The following CSMD1 variants were observed in gnomAD, a reference collection of about 807,000 sequenced individuals.
The protein encoded by CSMD1 is CUB and Sushi multiple domains 1, also known as CUB and sushi domain-containing protein 1.
In CSMD1, 213 loss-of-function variants were observed where a neutral mutation model predicts 417.5. The observed-to-expected ratio is 0.51, with a 90% CI of 0.46 to 0.57. The LOEUF is 0.57. CSMD1 is among the 20% of genes least tolerant of loss of function. CSMD1 has a pLI of 0.00. For synonymous variants in CSMD1, 2,862 were observed against 1,736.8 expected, an observed-to-expected ratio of 1.65 and a Z score of -16.11; for missense variants, 6,923 against 4,529.7, an observed-to-expected ratio of 1.53 and a Z score of -15.17.
chr8:4,079,240 G>T (rs1383230793), intron 3 of CSMD1, among the ~76,000 whole-genome samples: 1 of 152,132 alleles, frequency 6.6e-6, no homozygotes, highest in Admixed American at 6.6e-5. Context: ...TGAATGAGTA[G>T]ATATAGCCCA....
At position 4,046,526 on chromosome 8, in the gene CSMD1, G is replaced by A. The variant is rs147412284; in HGVS notation, c.416-14427C>T. Reference sequence around the variant, plus strand: ...TTTTGTGGTTGCTGTTGCCTTACACGTCATGTATTCAACTCTGTACATAGT... The same window carrying A: ...TTTTGTGGTTGCTGTTGCCTTACACATCATGTATTCAACTCTGTACATAGT... On this transcript the variant is annotated intron_variant, in intron 3 of 69. Transcript: ENST00000635120. Among the ~76,000 whole-genome samples, 11 of 152,200 alleles carry A rather than the reference G, an allele frequency of 7.2e-5. No homozygotes were observed. The East Asian group carries it at 1.4e-3, about 19-fold the overall frequency.
At chr8:3,753,802 A>G (rs1012431456) in intron 6 of CSMD1, 128 bp downstream of exon 6, 19 of 591,888 alleles carry the variant, frequency 3.2e-5, no homozygotes, top group Non-Finnish European at 4.1e-5. Context: ...TCCAAAGATA[A>G]CTGTGAATAA....
intron 3 of CSMD1, among the ~76,000 whole-genome samples, chr8:4,376,328 G>C (rs187924362): frequency 1.2e-4 from 19 of 152,282 alleles, no homozygotes; most frequent in African/African-American, 4.6e-4. Context: ...TTCAAGAAGA[G>C]AATAAAAGTT....
intron 10 of CSMD1, among the ~76,000 whole-genome samples, chr8:3,551,753 G>A (rs1182679379): frequency 1.3e-5 from 2 of 152,154 alleles, no homozygotes; most frequent in Non-Finnish European, 2.9e-5. Flanking sequence ...ACTAAAGTCC[G>A]TGACAAGCTG....
rs113982607 is a variant in CSMD1, at chr8:4,317,705, A to G, written c.415+102248T>C. Among the ~76,000 whole-genome samples the G allele has an allele frequency of 1.7e-3, 261 of 152,310 alleles. 2 individuals are homozygous for G. Among genetic ancestry groups the G allele is most frequent in the African/African-American group, 5.7e-3 (235 of 41,560 alleles). ...TATAGACTTAGAAGTGAGGTAACAT[A>G]AAAGAGAAGCGATAGCTCAGCTGAG... On this transcript the variant is annotated intron_variant, in intron 3 of 69. Transcript: ENST00000635120.
intron 3 of CSMD1, among the ~76,000 whole-genome samples, chr8:4,060,604 T>C (rs1312850165): frequency 6.6e-6 from 1 of 152,130 alleles, no homozygotes; most frequent in Non-Finnish European, 1.5e-5. Context: ...TTCGGAACTG[T>C]CCCAGCCACC....
In CSMD1 at chr8:3,431,164, T is replaced by A. The variant is rs1370865615; in HGVS notation, c.1562-21559A>T. ...ACAGAGCTAGCAACTCTATGGACTC[T>A]CTATGGAAGAGGGATGATGGAGATT... On this transcript the variant is annotated intron_variant, in intron 12 of 69. Coordinates refer to ENST00000635120, the MANE Select transcript of CSMD1 (RefSeq NM_033225.6). Among the ~76,000 whole-genome samples the A allele has an allele frequency of 2.6e-5, 4 of 152,158 alleles. No homozygotes were observed. The East Asian group carries it at 7.7e-4, about 29-fold the overall frequency.
rs1554471488 is a variant in CSMD1, at chr8:3,564,535, G to GTGTGTGTC, written c.1344+10409_1344+10410insGACACACA. ...AGTATATTTGTGTGTGTGTGTGTGT[G>GTGTGTGTC]TGTGTGTGTGTGTGTATAATACATG... On this transcript the variant is annotated intron_variant, in intron 10 of 69. Coordinates refer to ENST00000635120, the MANE Select transcript of CSMD1 (RefSeq NM_033225.6). 2.7e-3 allele frequency among the ~76,000 whole-genome samples: 406 copies of GTGTGTGTC among 151,756 alleles called. 3 individuals are homozygous for GTGTGTGTC. The highest frequency in any genetic ancestry group is 9.4e-3 in the African/African-American group (389 of 41,338).
chr8:4,851,460 A>AT (rs770783142), intron 1 of CSMD1, among the ~76,000 whole-genome samples: 13 of 148,820 alleles, frequency 8.7e-5, no homozygotes, highest in African/African-American at 2.2e-4. Flanking sequence ...GTCAACCTCT[A>AT]TTTTTTTTCT....
chr8:3,744,005 G>A (rs963937234), intron 6 of CSMD1, among the ~76,000 whole-genome samples: 12 of 152,138 alleles, frequency 7.9e-5, no homozygotes, highest in Non-Finnish European at 1.5e-4. Context: ...TGAAAATTGT[G>A]TATTTCTCAA....
chr8:3,048,412 G>C (rs1200771078), intron 50 of CSMD1, among the ~76,000 whole-genome samples: 2 of 152,082 alleles, frequency 1.3e-5, no homozygotes, highest in Non-Finnish European at 2.9e-5. Context: ...ACAGAATACA[G>C]AGCCCAGAAA....
chr8:4,902,774 C>G (rs1044456984), intron 1 of CSMD1, among the ~76,000 whole-genome samples: 6 of 151,942 alleles, frequency 3.9e-5, no homozygotes, highest in South Asian at 2.1e-4. Flanking sequence ...CTTATCTGCC[C>G]AGGCAGTAAA....
chr8:3,559,311 T>G (rs1799365915), intron 10 of CSMD1, among the ~76,000 whole-genome samples: 1 of 152,206 alleles, frequency 6.6e-6, no homozygotes, highest in Non-Finnish European at 1.5e-5. Flanking sequence ...ATGGAATGAT[T>G]GTTTGTGATT....
chr8:4,250,139 A>G (rs2128830159), intron 3 of CSMD1, among the ~76,000 whole-genome samples: 1 of 152,256 alleles, frequency 6.6e-6, no homozygotes, highest in Middle Eastern at 3.4e-3. Flanking sequence ...CAGTGACTTC[A>G]TTTTGAGCTT....
chr8:4,690,194 G>GT (rs1300712527), intron 1 of CSMD1, among the ~76,000 whole-genome samples: 1 of 152,142 alleles, frequency 6.6e-6, no homozygotes, highest in Non-Finnish European at 1.5e-5. Flanking sequence ...TGTCAGTGCA[G>GT]TTTTTTCTCT....
chr8:3,863,419 T>C (rs1249567354), intron 5 of CSMD1, among the ~76,000 whole-genome samples: 1 of 146,684 alleles, frequency 6.8e-6, no homozygotes, highest in African/African-American at 2.5e-5. Flanking sequence ...AAAAAAGTGC[T>C]AATACCATTC....
intron 2 of CSMD1, among the ~76,000 whole-genome samples, chr8:4,630,510 A>C (rs1397161800): frequency 1.3e-5 from 2 of 152,204 alleles, no homozygotes; most frequent in Non-Finnish European, 2.9e-5. Flanking sequence ...AAAATACTCA[A>C]ACTTAACCAG....
intron 5 of CSMD1, among the ~76,000 whole-genome samples, chr8:3,933,314 C>A (rs761794536): frequency 2.0e-5 from 3 of 152,254 alleles, no homozygotes; most frequent in African/African-American, 4.8e-5. Flanking sequence ...TATTTGTTAA[C>A]TGAAGCTTTC....
At chr8:3,626,951 C>T (rs1419729108) in intron 7 of CSMD1, among the ~76,000 whole-genome samples, 4 of 151,250 alleles carry the variant, frequency 2.6e-5, no homozygotes, top group Non-Finnish European at 5.9e-5. Flanking sequence ...TTTAAATACA[C>T]AGTTATACAG....
Sources: gnomAD v4.1 joint callset for allele counts (sites outside exome capture counted in the v4.1 genomes callset) on GRCh38, gnomAD v4.1.1 for gene constraint, MANE v1.5 for transcripts, NCBI Gene and HGNC (gene_info 2026-07-23, HGNC 2026-07-21) for gene names.